Variants in TRAPPC9 observed in about 807,000 individuals in gnomAD.
The protein encoded by TRAPPC9 is IKK2 binding protein.
TRAPPC9 carries 83 observed loss-of-function variants against 124.0 expected under a neutral mutation model. That is an observed-to-expected ratio of 0.67 (90% CI 0.56 to 0.80). TRAPPC9 has a LOEUF of 0.80. Ranked by LOEUF, TRAPPC9 falls within the 30% of genes least tolerant of loss-of-function variation. The probability of loss-of-function intolerance (pLI) is 0.00; values close to 1 mark genes in which losing one functional copy is unlikely to be tolerated. For missense variants in TRAPPC9, 1,302 were observed against 1,508.3 expected (o/e 0.86, Z 2.27); for synonymous variants, 638 against 617.5 (o/e 1.03, Z -0.49).
chr8:139,922,055 A>G (rs987604943), intron 19 of TRAPPC9, among the ~76,000 whole-genome samples: 5 of 152,244 alleles, frequency 3.3e-5, no homozygotes, highest in African/African-American at 1.2e-4. Context: ...TAGCACAGAG[A>G]AGAAACAACA....
intron 21 of TRAPPC9, among the ~76,000 whole-genome samples, chr8:139,820,867 A>G (rs1390543301): frequency 6.6e-6 from 1 of 152,250 alleles, no homozygotes; most frequent in Non-Finnish European, 1.5e-5. Context: ...ATCTTATTGT[A>G]TATGCACAAA....
chr8:140,129,858 C>T (rs1225353141), intron 17 of TRAPPC9, among the ~76,000 whole-genome samples: 1 of 152,196 alleles, frequency 6.6e-6, no homozygotes, highest in Admixed American at 6.5e-5. Flanking sequence ...TGCACGTGTA[C>T]GCATGCACAC....
At chr8:140,137,608 C>A (rs945111511) in intron 17 of TRAPPC9, among the ~76,000 whole-genome samples, 1 of 152,244 alleles carries the variant, frequency 6.6e-6, no homozygotes, top group Admixed American at 6.5e-5. Context: ...ACCAGCCCCA[C>A]CCCGCACCTG....
At position 139,962,264 on chromosome 8, in the gene TRAPPC9, C is replaced by A. The variant is rs1835403787; in HGVS notation, c.2810+26462G>T. ...CCGCAGAGATTTCCGGGAAGAAAAT[C>A]GGCACTCCAAAGATCCCAAGATCCC... On this transcript the variant is annotated intron_variant, in intron 19 of 22. Coordinates refer to ENST00000438773, the MANE Select transcript of TRAPPC9 (RefSeq NM_001160372.4). 1.6e-5 allele frequency among the ~76,000 whole-genome samples: 2 copies of A among 124,474 alleles called. 1 individual carries two copies. The highest frequency in any genetic ancestry group is 4.4e-4 in the East Asian group (2 of 4,502). The allele number at this position is 124,474 out of a possible 152,430, so 81.7% of individuals were successfully genotyped here.
intron 11 of TRAPPC9, among the ~76,000 whole-genome samples, chr8:140,295,761 T>C (rs1307631644): frequency 6.6e-6 from 1 of 152,146 alleles, no homozygotes; most frequent in Non-Finnish European, 1.5e-5. Context: ...CGAGGTTCAT[T>C]TAGAGAGACT....
intron 20 of TRAPPC9, among the ~76,000 whole-genome samples, chr8:139,906,996 C>A (rs1430289432): frequency 6.6e-6 from 1 of 152,198 alleles, no homozygotes; most frequent in African/African-American, 2.4e-5. Flanking sequence ...CTGAGATCTC[C>A]ACCTACTCCT....
chr8:140,228,529 C>T (rs1227087296), intron 16 of TRAPPC9, among the ~76,000 whole-genome samples: 1 of 152,232 alleles, frequency 6.6e-6, no homozygotes, highest in African/African-American at 2.4e-5. Context: ...ACATACTATT[C>T]AAATGGCAAC....
intron 15 of TRAPPC9, among the ~76,000 whole-genome samples, chr8:140,266,459 T>C (rs1223926525): frequency 1.4e-5 from 2 of 142,962 alleles, no homozygotes; most frequent in East Asian, 4.1e-4. Context: ...TGAGACTCTG[T>C]CTAACAAGAC....
intron 11 of TRAPPC9, among the ~76,000 whole-genome samples, chr8:140,298,433 A>G (rs541934457): frequency 2.6e-5 from 4 of 152,268 alleles, no homozygotes; most frequent in Admixed American, 6.5e-5. Context: ...CAGGGGATTC[A>G]CTTGACCCCA....
intron 21 of TRAPPC9, among the ~76,000 whole-genome samples, chr8:139,755,091 C>A (rs1315704449): frequency 6.6e-6 from 1 of 152,230 alleles, no homozygotes; most frequent in African/African-American, 2.4e-5. Flanking sequence ...CCTGAGAGGT[C>A]GTTGTAATTG....
At chr8:139,955,609 C>T (rs1285070005) in intron 19 of TRAPPC9, among the ~76,000 whole-genome samples, 6 of 152,148 alleles carry the variant, frequency 3.9e-5, no homozygotes. Flanking sequence ...TGCAGGATTC[C>T]TCGAGAACTG....
chr8:139,945,039 A>G (rs1020459587), intron 19 of TRAPPC9, among the ~76,000 whole-genome samples: 1 of 152,154 alleles, frequency 6.6e-6, no homozygotes, highest in Non-Finnish European at 1.5e-5. Context: ...CAAGAGAATC[A>G]CTTGCACTCA....
rs922994908 is a variant in TRAPPC9, at chr8:140,259,095, G to A, written c.2279-6166C>T. On this transcript the variant is annotated intron_variant, in intron 15 of 22. Coordinates refer to ENST00000438773, the MANE Select transcript of TRAPPC9 (RefSeq NM_001160372.4). Reference sequence around the variant, plus strand: ...TGCAATGGCACATAACAGCAACATCGTGGGATGGGCACCCAGGAATCCCCT... The same window carrying A: ...TGCAATGGCACATAACAGCAACATCATGGGATGGGCACCCAGGAATCCCCT... Among the ~76,000 whole-genome samples the A allele has an allele frequency of 3.3e-5, 5 of 152,328 alleles. No individual in the cohort carries two copies. In the South Asian group the frequency reaches 6.2e-4, roughly 19 times the overall value.
At chr8:140,298,260 G>A (rs2065868658) in intron 11 of TRAPPC9, among the ~76,000 whole-genome samples, 1 of 152,168 alleles carries the variant, frequency 6.6e-6, no homozygotes, top group African/African-American at 2.4e-5. Flanking sequence ...ATTTTTTAAG[G>A]CATTCGGATA....
At chr8:140,123,104 T>C (rs947751922) in intron 17 of TRAPPC9, among the ~76,000 whole-genome samples, 4 of 152,138 alleles carry the variant, frequency 2.6e-5, no homozygotes, top group Non-Finnish European at 5.9e-5. Flanking sequence ...CCACATTTCT[T>C]ACTTACCCCT....
At chr8:140,086,163 G>A (rs912396313) in intron 17 of TRAPPC9, among the ~76,000 whole-genome samples, 5 of 152,146 alleles carry the variant, frequency 3.3e-5, no homozygotes, top group African/African-American at 7.2e-5. Flanking sequence ...GCTGGAGAGC[G>A]GGTATGGTGT....
intron 17 of TRAPPC9, among the ~76,000 whole-genome samples, chr8:140,125,827 G>A (rs2061085663): frequency 6.6e-6 from 1 of 151,978 alleles, no homozygotes; most frequent in South Asian, 2.1e-4. Context: ...CTGCATGTTT[G>A]AGAGAAACAA....
intron 17 of TRAPPC9, among the ~76,000 whole-genome samples, chr8:140,061,905 C>T (rs1414446521): frequency 6.6e-6 from 1 of 152,198 alleles, no homozygotes; most frequent in East Asian, 1.9e-4. Context: ...CCCACTCCAA[C>T]ATTACAGGGA....
intron 11 of TRAPPC9, among the ~76,000 whole-genome samples, chr8:140,294,506 C>T (rs1242921588): frequency 6.6e-6 from 1 of 152,112 alleles, no homozygotes; most frequent in Non-Finnish European, 1.5e-5. Context: ...TTTGAAAAAT[C>T]ATTTTCTAGA....
Sources: allele counts gnomAD v4.1 joint callset (sites outside exome capture counted in the v4.1 genomes callset), GRCh38; gene constraint gnomAD v4.1.1; transcripts MANE v1.5; gene names NCBI Gene and HGNC (gene_info 2026-07-23, HGNC 2026-07-21).